The following OR4K17 variants were observed in gnomAD, a reference collection of about 807,000 sequenced individuals.
The protein encoded by OR4K17 is olfactory receptor 4K17.
For synonymous variants in OR4K17, 157 were observed against 132.8 expected, an observed-to-expected ratio of 1.18 and a Z score of -1.25; for missense variants, 480 against 366.3, an observed-to-expected ratio of 1.31 and a Z score of -2.53.
Position 20,118,320 on chromosome 14 carries a change from T to A in OR4K17, c.821T>A (p.Phe274Tyr). 1.2e-6 allele frequency: 2 copies of A among 1,613,336 alleles called. No homozygotes were observed. Among genetic ancestry groups the A allele is most frequent in the Non-Finnish European group, 1.7e-6 (2 of 1,179,312 alleles). The change falls in exon 2 of 2, where the codon TTT becomes TAT. Residue 274 changes from phenylalanine to tyrosine, a missense_variant. Coordinates refer to ENST00000641386, the MANE Select transcript of OR4K17 (RefSeq NM_001004715.5). ...NHSVDKFLAV[F>Y]YTIITPILNP... is the part of the protein sequence containing the mutation. ...TCTGTAGATAAGTTCCTTGCTGTGT[T>A]TTATACCATCATCACTCCTATCTTG... is the stretch of plus-strand genomic sequence containing the variant.
intron 1 of OR4K17, among the ~76,000 whole-genome samples, chr14:20,113,203 G>A (rs184755873): frequency 1.6e-4 from 25 of 152,078 alleles, no homozygotes; most frequent in African/African-American, 5.8e-4. Context: ...TACTCAAATA[G>A]CAACAAAATA....
chr14:20,120,388 C>T lies in OR4K17; in HGVS notation c.*1950C>T, dbSNP rs1404317293. 4 of 152,102 alleles carry T rather than the reference C, an allele frequency of 2.6e-5. No homozygotes were observed. Among genetic ancestry groups the T allele is most frequent in the Non-Finnish European group, 5.9e-5 (4 of 68,028 alleles). 9.4% of individuals were successfully genotyped at this position (152,102 alleles called of 1,614,324 possible). A position where few individuals can be genotyped will look rare whatever the true frequency, so the allele number is the denominator to read the frequency against. Reference sequence around the variant, plus strand: ...TAATATTATAAAATCTCACTTTCACCTCCTTGTCCCCATGTATTTCAATTC... The same window carrying T: ...TAATATTATAAAATCTCACTTTCACTTCCTTGTCCCCATGTATTTCAATTC... On this transcript the variant is annotated 3_prime_UTR_variant, in exon 2 of 2. Transcript: ENST00000641386.
intron 1 of OR4K17, among the ~76,000 whole-genome samples, chr14:20,112,411 G>A (rs17093690): frequency 0.055 from 8,382 of 152,008 alleles, 228 homozygotes; most frequent in South Asian, 0.11. Context: ...TTTCTGTCCC[G>A]CAGTTAACAG....
intron 1 of OR4K17, among the ~76,000 whole-genome samples, chr14:20,116,926 T>A (rs1055591732): frequency 1.3e-5 from 2 of 152,186 alleles, no homozygotes; most frequent in African/African-American, 4.8e-5. Flanking sequence ...AACACAGCAG[T>A]ATGCATTACT....
intron 1 of OR4K17, 147 bp from the exon 2 acceptor site, chr14:20,117,321 T>C: frequency 1.1e-6 from 1 of 928,798 alleles, no homozygotes; most frequent in East Asian, 2.4e-5. Context: ...ATACGTCTCC[T>C]TTTTCAGACT....
rs1190629599 is a variant in OR4K17 at position 20,117,733 on chromosome 14, C to T, written c.234C>T (p.Thr78=). The change falls in exon 2 of 2, where the codon ACC becomes ACT. Residue 78 remains threonine (T), a synonymous_variant. Transcript: ENST00000641386. ...FVDMTLASFA[T]PKVILNLLKK... ...ATATGACCCTTGCTTCTTTTGCCAC[C>T]CCTAAGGTGATTCTGAACTTGTTAA... The T allele has an allele frequency of 6.2e-7, 1 of 1,613,854 alleles. No individual in the cohort carries two copies. The highest frequency in any genetic ancestry group is 1.3e-5 in the African/African-American group (1 of 74,864).
chr14:20,116,720 A>G (rs1279496141), intron 1 of OR4K17, among the ~76,000 whole-genome samples: 2 of 152,228 alleles, frequency 1.3e-5, no homozygotes, highest in East Asian at 3.8e-4. Flanking sequence ...ACAAGGCCAC[A>G]TAGCCCCAGA....
rs538132446 is a variant in OR4K17, at chr14:20,120,692, C to T, written c.*2254C>T. The T allele has an allele frequency of 6.6e-6, 1 of 152,318 alleles. No individual in the cohort carries two copies. Among genetic ancestry groups the T allele is most frequent in the Non-Finnish European group, 1.5e-5 (1 of 68,134 alleles). The allele number at this position is 152,318 out of a possible 1,614,324, so 9.4% of individuals were successfully genotyped here. A position where few individuals can be genotyped will look rare whatever the true frequency, so the allele number is the denominator to read the frequency against. ...CTGGGCCCAGATACTGCTGCCATTA[C>T]TATCCCAAACCACAGATCTATAGTA... On this transcript the variant is annotated 3_prime_UTR_variant, in exon 2 of 2. Coordinates refer to ENST00000641386, the MANE Select transcript of OR4K17 (RefSeq NM_001004715.5).
Position 20,117,300 on chromosome 14 carries a change from C to T in OR4K17, c.-32-168C>T, listed in dbSNP as rs191669384. ...GTCATTGCTCTTTTATGGAAGTGGA[C>T]AGCTCAGACTATACGTCTCCTTTTT... is the stretch of plus-strand genomic sequence containing the variant. On this transcript the variant is annotated intron_variant, in intron 1 of 1. Coordinates refer to ENST00000641386, the MANE Select transcript of OR4K17 (RefSeq NM_001004715.5). 2.2e-4 allele frequency: 164 copies of T among 736,244 alleles called. No individual in the cohort carries two copies. The East Asian group carries it at 3.8e-3, about 17-fold the overall frequency. 45.6% of individuals were successfully genotyped at this position (736,244 alleles called of 1,614,324 possible).
Position 20,118,312 on chromosome 14 carries a change from T to C in OR4K17, c.813T>C (p.Leu271=). ...PFGNHSVDKF[L]AVFYTIITPI... is the part of the protein sequence containing the mutation. Reference sequence around the variant, plus strand: ...GCAACCACTCTGTAGATAAGTTCCTTGCTGTGTTTTATACCATCATCACTC... The same window carrying C: ...GCAACCACTCTGTAGATAAGTTCCTCGCTGTGTTTTATACCATCATCACTC... Residue 271 remains leucine, a synonymous_variant, in exon 2 of 2, where the codon CTT becomes CTC. Coordinates refer to ENST00000641386, the MANE Select transcript of OR4K17 (RefSeq NM_001004715.5). 1 of 1,613,592 alleles carries C rather than the reference T, an allele frequency of 6.2e-7. No homozygotes were observed. The highest frequency in any genetic ancestry group is 8.5e-7 in the Non-Finnish European group (1 of 1,179,522).
Position 20,119,020 on chromosome 14 carries a change from A to C in OR4K17, c.*582A>C, listed in dbSNP as rs537798772. 2.6e-5 allele frequency: 4 copies of C among 152,360 alleles called. No individual in the cohort carries two copies. The highest frequency in any genetic ancestry group is 9.6e-5 in the African/African-American group (4 of 41,564). 9.4% of individuals were successfully genotyped at this position (152,360 alleles called of 1,614,324 possible). On this transcript the variant is annotated 3_prime_UTR_variant, in exon 2 of 2. Transcript: ENST00000641386. ...CCTTATCTACAGCCGTGTAAGACAG[A>C]CATTGCCAGAGCGGCCATTTTAGAG...
At chr14:20,115,137 A>G (rs1877958778) in intron 1 of OR4K17, among the ~76,000 whole-genome samples, 1 of 152,080 alleles carries the variant, frequency 6.6e-6, no homozygotes, top group African/African-American at 2.4e-5. Flanking sequence ...AATAATAAAA[A>G]GCAAACTTGC....
chr14:20,115,221 A>T (rs1346444440), intron 1 of OR4K17, among the ~76,000 whole-genome samples: 1 of 152,086 alleles, frequency 6.6e-6, no homozygotes, highest in African/African-American at 2.4e-5. Context: ...ATATCTGAGC[A>T]CAAGTGTTTT....
intron 1 of OR4K17, among the ~76,000 whole-genome samples, chr14:20,113,010 T>C (rs998812167): frequency 7.9e-5 from 12 of 152,026 alleles, no homozygotes; most frequent in Admixed American, 4.6e-4. Flanking sequence ...ACTATTAAAG[T>C]CTATTTTTGA....
In OR4K17 at chr14:20,117,870, T is replaced by C. The variant is rs1199417895; in HGVS notation, c.371T>C (p.Val124Ala). ...LLVSMAFDRYVAICKPLHYMT... is the reference protein window; with the variant it reads ...LLVSMAFDRYAAICKPLHYMT... ...GTCTCCATGGCTTTTGACAGATATG[T>C]GGCCATTTGTAAGCCCCTACACTAC... Residue 124 changes from valine to alanine, a missense_variant, in exon 2 of 2, where the codon GTG (valine) becomes GCG (alanine). By Grantham distance (64) the Val-to-Ala change is moderately conservative (BLOSUM62 0). Transcript: ENST00000641386. 3 of 1,614,052 alleles carry C rather than the reference T, an allele frequency of 1.9e-6. No individual in the cohort carries two copies. The highest frequency in any genetic ancestry group is 2.5e-6 in the Non-Finnish European group (3 of 1,179,994).
In OR4K17 at chr14:20,118,050, T is replaced by TTACTAAGC. The variant is rs748010431; in HGVS notation, c.553_560dup (p.Ala188LeufsTer6). 6 of 1,614,158 alleles carry TTACTAAGC rather than the reference T, an allele frequency of 3.7e-6. No homozygotes were observed. In the South Asian group the frequency reaches 6.6e-5, roughly 18 times the overall value. ...AGCATTTTTTGTGACCTCCCTTTGG[T>TTACTAAGC]TACTAAGCTTGCCTGTATAGACATA... On this transcript the variant is annotated frameshift_variant, in exon 2 of 2. Transcript: ENST00000641386. LOFTEE classifies it low-confidence loss of function (END_TRUNC).
rs1372885381 is a variant in OR4K17, at chr14:20,118,171, C to A, written c.672C>A (p.Thr224=). 4.3e-6 allele frequency: 7 copies of A among 1,614,122 alleles called. No homozygotes were observed. The highest frequency in any genetic ancestry group is 5.9e-6 in the Non-Finnish European group (7 of 1,179,994). ...LLISYSLILI[T]IKNHSPTGQS... ...TCTCCTACAGTCTGATCCTCATAAC[C>A]ATTAAGAACCACTCTCCTACTGGGC... is the stretch of plus-strand genomic sequence containing the variant. The change falls in exon 2 of 2, where the codon ACC becomes ACA. Residue 224 remains threonine, a synonymous_variant. Transcript: ENST00000641386.
chr14:20,118,422 C>T lies in OR4K17; in HGVS notation c.923C>T (p.Ser308Phe), dbSNP rs1474437774. Residue 308 changes from serine to phenylalanine, a missense_variant, in exon 2 of 2, where the codon TCT becomes TTT. Ser to Phe is a radical substitution (Grantham distance 155, BLOSUM62 -2). Transcript: ENST00000641386. ...AAACTCTGGAGAGCTTTTGTGAATT[C>T]TAGAGAAGATACTTAGATTAAAAAT... ...MKKLWRAFVN[S>F]REDT 1 of 1,591,642 alleles carries T rather than the reference C, an allele frequency of 6.3e-7. No homozygotes were observed.
Position 20,118,073 on chromosome 14 carries a change from A to T in OR4K17, c.574A>T (p.Ile192Leu), listed in dbSNP as rs1233091015. Residue 192 changes from isoleucine to leucine, a missense_variant, in exon 2 of 2, where the codon ATA becomes TTA. Coordinates refer to ENST00000641386, the MANE Select transcript of OR4K17 (RefSeq NM_001004715.5). Reference sequence around the variant, plus strand: ...GGTTACTAAGCTTGCCTGTATAGACATATATTTTGTACAGGTAGTCATTGT... The same window carrying T: ...GGTTACTAAGCTTGCCTGTATAGACTTATATTTTGTACAGGTAGTCATTGT... ...PLVTKLACID[I>L]YFVQVVIVAN... 3 of 1,614,090 alleles carry T rather than the reference A, an allele frequency of 1.9e-6. No homozygotes were observed. Among genetic ancestry groups the T allele is most frequent in the Non-Finnish European group, 2.5e-6 (3 of 1,179,986 alleles).
Sources: gnomAD v4.1 joint callset for allele counts (sites outside exome capture counted in the v4.1 genomes callset) on GRCh38, gnomAD v4.1.1 for gene constraint, MANE v1.5 for transcripts, NCBI Gene and HGNC (gene_info 2026-07-23, HGNC 2026-07-21) for gene names.